TMPRSS12: variants seen among roughly 807,000 people sequenced by gnomAD.
TMPRSS12 encodes transmembrane serine protease 12.
Under a neutral mutation model 26.0 loss-of-function variants are expected in TMPRSS12, and 25 were observed. The ratio of observed to expected loss-of-function variants is 0.96; its 90% CI spans 0.70 to 1.34. The LOEUF is 1.34. Ranked by LOEUF, TMPRSS12 falls within the 40% of genes most tolerant of loss-of-function variation. The pLI is 0.00. For missense variants in TMPRSS12, 441 were observed against 440.1 expected, an observed-to-expected ratio of 1.00 and a Z score of -0.02; for synonymous variants, 150 against 161.7, an observed-to-expected ratio of 0.93 and a Z score of 0.55.
intron 3 of TMPRSS12, among the ~76,000 whole-genome samples, chr12:50,871,531 T>C (rs997512017): frequency 8.5e-5 from 13 of 152,166 alleles, no homozygotes; most frequent in Admixed American, 8.5e-4. Context: ...AGATATTGGC[T>C]TAGGCAAGGA....
intron 3 of TMPRSS12, among the ~76,000 whole-genome samples, chr12:50,872,032 G>A (rs946823457): frequency 1.3e-5 from 2 of 152,170 alleles, no homozygotes; most frequent in African/African-American, 4.8e-5. Context: ...AAACAGTGTG[G>A]AGATTCCTTA....
chr12:50,859,479 G>A (rs913324662), intron 3 of TMPRSS12, among the ~76,000 whole-genome samples: 4 of 152,096 alleles, frequency 2.6e-5, no homozygotes, highest in African/African-American at 7.2e-5. Context: ...GCCTCCCAAA[G>A]TGCTGGGATT....
intron 3 of TMPRSS12, among the ~76,000 whole-genome samples, chr12:50,871,631 A>T (rs991111363): frequency 2.6e-5 from 4 of 152,246 alleles, no homozygotes; most frequent in Non-Finnish European, 5.9e-5. Flanking sequence ...GGCAAAAGGA[A>T]CAGTCAGCAG....
intron 3 of TMPRSS12, among the ~76,000 whole-genome samples, chr12:50,871,207 C>A (rs1029401551): frequency 6.6e-6 from 1 of 152,102 alleles, no homozygotes; most frequent in Non-Finnish European, 1.5e-5. Context: ...TACTATAAGC[C>A]CATTGTCACC....
At chr12:50,864,217 G>A (rs1017207061) in intron 3 of TMPRSS12, among the ~76,000 whole-genome samples, 4 of 152,174 alleles carry the variant, frequency 2.6e-5, no homozygotes, top group African/African-American at 9.7e-5. Context: ...TTCTAGCTTA[G>A]TAACATCCCA....
At chr12:50,850,238 AT>A (rs1333955179) in intron 2 of TMPRSS12, among the ~76,000 whole-genome samples, 2 of 152,238 alleles carry the variant, frequency 1.3e-5, no homozygotes, top group East Asian at 3.9e-4. Flanking sequence ...GCTTACAACC[AT>A]TCCCTTGGTG....
At chr12:50,876,974 G>C (rs1938119694) in intron 3 of TMPRSS12, among the ~76,000 whole-genome samples, 1 of 152,078 alleles carries the variant, frequency 6.6e-6, no homozygotes, top group African/African-American at 2.4e-5. Context: ...AATACTGCAT[G>C]TTCTCACTTA....
chr12:50,870,529 T>G (rs1330815141), intron 3 of TMPRSS12, among the ~76,000 whole-genome samples: 1 of 152,192 alleles, frequency 6.6e-6, no homozygotes, highest in African/African-American at 2.4e-5. Flanking sequence ...GCATTCCCTC[T>G]GAGAACTGGA....
chr12:50,868,302 A>G (rs1938010347), intron 3 of TMPRSS12, among the ~76,000 whole-genome samples: 1 of 152,206 alleles, frequency 6.6e-6, no homozygotes, highest in South Asian at 2.1e-4. Flanking sequence ...GAGTGGAAAA[A>G]GGCATTTCAT....
At chr12:50,875,488 T>C (rs1298831552) in intron 3 of TMPRSS12, among the ~76,000 whole-genome samples, 1 of 15,762 alleles carries the variant, frequency 6.3e-5, no homozygotes, top group Non-Finnish European at 1.3e-4. Flanking sequence ...AGACTCCATC[T>C]CAAAAAAAAA....
chr12:50,866,888 G>A (rs559944284), intron 3 of TMPRSS12, among the ~76,000 whole-genome samples: 6 of 152,212 alleles, frequency 3.9e-5, no homozygotes, highest in African/African-American at 1.2e-4. Context: ...GATAACAATC[G>A]CTGCAGCTCG....
chr12:50,874,598 A>G (rs760540204), intron 3 of TMPRSS12, among the ~76,000 whole-genome samples: 7 of 152,198 alleles, frequency 4.6e-5, no homozygotes, highest in Non-Finnish European at 8.8e-5. Context: ...AATAAAAGGT[A>G]ACCAAATAGG....
chr12:50,870,900 G>T (rs984671004), intron 3 of TMPRSS12, among the ~76,000 whole-genome samples: 18 of 148,546 alleles, frequency 1.2e-4, no homozygotes, highest in Non-Finnish European at 1.5e-5. Context: ...GGAGGCAAAA[G>T]ACCTCTACAG....
intron 3 of TMPRSS12, among the ~76,000 whole-genome samples, chr12:50,879,303 A>T (rs1938142501): frequency 6.6e-6 from 1 of 152,214 alleles, no homozygotes; most frequent in African/African-American, 2.4e-5. Flanking sequence ...AATAAAAATG[A>T]TAAATTGGAC....
At chr12:50,857,466 A>AAC (rs373323439) in intron 2 of TMPRSS12, among the ~76,000 whole-genome samples, 6 of 152,022 alleles carry the variant, frequency 3.9e-5, no homozygotes, top group South Asian at 2.1e-4. Flanking sequence ...GTTATCATCG[A>AAC]ACACACACAC....
chr12:50,851,991 G>A (rs1937830414), intron 2 of TMPRSS12, among the ~76,000 whole-genome samples: 2 of 152,132 alleles, frequency 1.3e-5, no homozygotes, highest in African/African-American at 4.8e-5. Flanking sequence ...TTTCAGACAA[G>A]CAAATGCTAA....
In TMPRSS12 at chr12:50,887,527, G is replaced by A. The variant is rs767925127; in HGVS notation, c.*14G>A. On this transcript the variant is annotated 3_prime_UTR_variant, in exon 5 of 5. Transcript: ENST00000398458. ...GCAACAACATAAAGAAATTCTGAAG[G>A]CTTTCATATCTTTATTTTGCATTGT... 3 of 1,604,628 alleles carry A rather than the reference G, an allele frequency of 1.9e-6. No individual in the cohort carries two copies. Among genetic ancestry groups the A allele is most frequent in the Middle Eastern group, 1.7e-4 (1 of 6,034 alleles).
chr12:50,866,137 C>T (rs552448537), intron 3 of TMPRSS12, among the ~76,000 whole-genome samples: 4 of 152,168 alleles, frequency 2.6e-5, no homozygotes, highest in South Asian at 2.1e-4. Flanking sequence ...AGAAATAAAT[C>T]GAGAATCCCA....
rs1938139341 is a variant in TMPRSS12, at chr12:50,878,964, G to GT, written c.653-6281dup. On this transcript the variant is annotated intron_variant, in intron 3 of 4. Coordinates refer to ENST00000398458, the MANE Select transcript of TMPRSS12 (RefSeq NM_182559.3). ...AAAAGCTGCCTTGCCCTTCCACCAC[G>GT]TAAGGATACAGCTGGAAGTCACAAC... Among the ~76,000 whole-genome samples, 3 of 152,310 alleles carry GT rather than the reference G, an allele frequency of 2.0e-5. No individual in the cohort carries two copies. The South Asian group carries it at 6.2e-4, about 32-fold the overall frequency.
Sources: allele counts gnomAD v4.1 joint callset (sites outside exome capture counted in the v4.1 genomes callset), GRCh38; gene constraint gnomAD v4.1.1; transcripts MANE v1.5; gene names NCBI Gene and HGNC (gene_info 2026-07-23, HGNC 2026-07-21).